Variants in ABCA3 observed in about 807,000 individuals in gnomAD.
ABCA3 encodes the protein ATP binding cassette subfamily A member 3, also known as phospholipid-transporting ATPase ABCA3.
In ABCA3, 88 loss-of-function variants were observed where a neutral mutation model predicts 172.8. The ratio of observed to expected loss-of-function variants is 0.51; its 90% confidence interval spans 0.43 to 0.61. ABCA3 has a LOEUF of 0.61. Among genes scored for constraint, ABCA3 ranks in the 20% least tolerant of loss-of-function variants. The pLI, the probability that ABCA3 is intolerant of heterozygous loss-of-function variation, is 0.00. For missense variants in ABCA3, 2,164 were observed against 2,301.0 expected, an observed-to-expected ratio of 0.94 and a Z score of 1.22; for synonymous variants, 1,066 against 983.8, an observed-to-expected ratio of 1.08 and a Z score of -1.56.
Position 2,299,999 on chromosome 16 carries a change from C to G in ABCA3, c.1611+6G>C. ...CGGCCCTCCCTGTCCCCACAGGAGGCGGCACCTTGGACAGGTGCTTGATCT... is the reference window on the plus strand; with the variant it reads ...CGGCCCTCCCTGTCCCCACAGGAGGGGGCACCTTGGACAGGTGCTTGATCT... On this transcript the variant is annotated splice_donor_region_variant and intron_variant, in intron 13 of 32. Transcript: ENST00000301732. 6 of 1,612,634 alleles carry G rather than the reference C, an allele frequency of 3.7e-6. No individual in the cohort carries two copies. Among genetic ancestry groups the G allele is most frequent in the Non-Finnish European group, 4.2e-6 (5 of 1,179,954 alleles).
chr16:2,283,493 G>T lies in ABCA3; in HGVS notation c.3863-135C>A. 9 of 1,019,634 alleles carry T rather than the reference G, an allele frequency of 8.8e-6. No homozygotes were observed. Among genetic ancestry groups the T allele is most frequent in the Non-Finnish European group, 4.2e-6 (3 of 707,874 alleles). The allele number at this position is 1,019,634 out of a possible 1,614,324, so 63.2% of individuals were successfully genotyped here. A position where few individuals can be genotyped will look rare whatever the true frequency, so the allele number is the denominator to read the frequency against. On this transcript the variant is annotated intron_variant, in intron 25 of 32. Coordinates refer to ENST00000301732, the MANE Select transcript of ABCA3 (RefSeq NM_001089.3). This position sits in a 1 kb window ranked among gnomAD's most constrained non-coding sequence, Gnocchi z 5.4. The stretch of plus-strand genomic sequence containing the variant: ...GTCCCCTCCATGGGGAGATGTGAAG[G>T]CCAGTAGGTCACAGCTGCCTCTCGA...
In ABCA3 at chr16:2,324,425, G is replaced by A; in HGVS notation, c.426C>T (p.Ser142=). 1 of 1,603,082 alleles carries A rather than the reference G, an allele frequency of 6.2e-7. No individual in the cohort carries two copies. Among genetic ancestry groups the A allele is most frequent in the Non-Finnish European group, 8.5e-7 (1 of 1,178,302 alleles). Residue 142 remains serine, a synonymous_variant, in exon 6 of 33, where the codon AGC becomes AGT. Coordinates refer to ENST00000301732, the MANE Select transcript of ABCA3 (RefSeq NM_001089.3). ...TCACCGCCAGCGGCAGGGGCTCCTTGCTGTGGTTGAAGGGGTGCTCGAAGA... is the reference window on the plus strand; with the variant it reads ...TCACCGCCAGCGGCAGGGGCTCCTTACTGTGGTTGAAGGGGTGCTCGAAGA... ...AVVFEHPFNH[S]KEPLPLAVKY...
rs28464593 is a variant in ABCA3 at position 2,336,855 on chromosome 16, T to A, written c.-539+3718A>T. Reference sequence around the variant, plus strand: ...TTAAAAAGCATGTTTATACAATAGTTTTTGTAGCATTCATATGTTGGATAA... The same window carrying A: ...TTAAAAAGCATGTTTATACAATAGTATTTGTAGCATTCATATGTTGGATAA... On this transcript the variant is annotated intron_variant, in intron 1 of 32. Transcript: ENST00000301732. Among the ~76,000 whole-genome samples the A allele has an allele frequency of 8.5e-3, 1,295 of 152,152 alleles. 20 individuals carry two copies. Among genetic ancestry groups the A allele is most frequent in the African/African-American group, 0.029 (1,214 of 41,502 alleles).
intron 6 of ABCA3, 73 bp downstream of exon 6, chr16:2,324,331 G>A: frequency 6.5e-7 from 1 of 1,530,324 alleles, no homozygotes; most frequent in Non-Finnish European, 8.7e-7. Flanking sequence ...TTTACAGGTT[G>A]AACTAGTGAC....
At position 2,297,451 on chromosome 16, in the gene ABCA3, C is replaced by A; in HGVS notation, c.2141G>T (p.Arg714Leu). 1 of 1,613,764 alleles carries A rather than the reference C, an allele frequency of 6.2e-7. No homozygotes were observed. The highest frequency in any genetic ancestry group is 8.5e-7 in the Non-Finnish European group (1 of 1,180,008). The change falls in exon 17 of 33, where the codon CGC becomes CTC. Residue 714 changes from arginine to leucine, a missense_variant. Coordinates refer to ENST00000301732, the MANE Select transcript of ABCA3 (RefSeq NM_001089.3). The surrounding 1 kb of genome is among the most constrained non-coding windows in gnomAD (Gnocchi z 5.6). ...GAAGTGGGTGGTCAGCACGATGGTG[C>A]GGTCACTTTTCTGCCGCTGAAGAAG... The part of the protein sequence containing the change: ...WDLLQRQKSD[R>L]TIVLTTHFMD...
intron 11 of ABCA3, 104 bp downstream of exon 11, chr16:2,308,335 CCCAACTGCCTG>C: frequency 7.6e-7 from 1 of 1,322,548 alleles, no homozygotes; most frequent in Non-Finnish European, 1.1e-6. Context: ...CTTCAGTGGT[CCCAACTGCCTG>C]CCAACCGTCC....
intron 5 of ABCA3, 70 bp from the exon 6 acceptor site, chr16:2,324,601 A>C (rs2093731471): frequency 6.3e-7 from 1 of 1,595,758 alleles, no homozygotes; most frequent in Non-Finnish European, 8.5e-7. Flanking sequence ...TGCGTGGTTC[A>C]GGTCACTGGC....
chr16:2,276,674 T>G lies in ABCA3; in HGVS notation c.5115A>C (p.Ter1705CysextTer33). The change falls in exon 33 of 33, where the codon TGA (stop) becomes TGC (cysteine). Residue 1705 changes from the stop codon to cysteine (C), a stop_lost. Coordinates refer to ENST00000301732, the MANE Select transcript of ABCA3 (RefSeq NM_001089.3). Reference sequence around the variant, plus strand: ...CTGATGGCGAGACAGCCGCCACCCCTCATCGCCCCTCCTCTGCGGTGGGCG... The same window carrying G: ...CTGATGGCGAGACAGCCGCCACCCCGCATCGCCCCTCCTCTGCGGTGGGCG... ...LQPPTAEEGR[*>C] 1 of 1,613,046 alleles carries G rather than the reference T, an allele frequency of 6.2e-7. No individual in the cohort carries two copies. The highest frequency in any genetic ancestry group is 8.5e-7 in the Non-Finnish European group (1 of 1,179,994).
Position 2,317,632 on chromosome 16 carries a change from C to T in ABCA3, c.990+16G>A. 2 of 1,613,874 alleles carry T rather than the reference C, an allele frequency of 1.2e-6. No individual in the cohort carries two copies. Among genetic ancestry groups the T allele is most frequent in the East Asian group, 2.2e-5 (1 of 44,870 alleles). The stretch of plus-strand genomic sequence containing the variant: ...TCTCCCCGTCCTCACCAGAGCCCCA[C>T]CGACGCCATGCTCACCTTGACACAG... On this transcript the variant is annotated intron_variant, in intron 9 of 32. Transcript: ENST00000301732.
rs529931433 is a variant in ABCA3, at chr16:2,286,545, T to C, written c.3278+149A>G. On this transcript the variant is annotated intron_variant, in intron 22 of 32. Transcript: ENST00000301732. The surrounding 1 kb of genome is among the most constrained non-coding windows in gnomAD (Gnocchi z 5.2). The stretch of plus-strand genomic sequence containing the variant: ...CACAGGGAGTTGGGGCTGTGGATGG[T>C]GGAGGAGGATGTGGCAGGGGTTTCC... The C allele has an allele frequency of 9.5e-7, 1 of 1,051,584 alleles. No homozygotes were observed. The highest frequency in any genetic ancestry group is 1.6e-5 in the African/African-American group (1 of 63,138). The allele number at this position is 1,051,584 out of a possible 1,614,324, so 65.1% of individuals were successfully genotyped here. A position where few individuals can be genotyped will look rare whatever the true frequency, so the allele number is the denominator to read the frequency against.
intron 12 of ABCA3, among the ~76,000 whole-genome samples, chr16:2,303,294 G>C (rs539445780): frequency 1.4e-5 from 2 of 141,770 alleles, no homozygotes; most frequent in Non-Finnish European, 3.0e-5. Flanking sequence ...ACAGACTCTC[G>C]CTGTGTTGCC....
At chr16:2,302,443 G>A (rs1344419806) in intron 12 of ABCA3, among the ~76,000 whole-genome samples, 1 of 151,564 alleles carries the variant, frequency 6.6e-6, no homozygotes, top group Non-Finnish European at 1.5e-5. Context: ...GAGTTGTACT[G>A]TTAGGTTAAG....
In ABCA3 at chr16:2,301,088, G is replaced by A. The variant is rs991454318; in HGVS notation, c.1468-940C>T. ...TACTAAAAATACAAAAAAATTAGCC[G>A]GGCGTGGTGGTGGGCGCCTATAGTC... On this transcript the variant is annotated intron_variant, in intron 12 of 32. Coordinates refer to ENST00000301732, the MANE Select transcript of ABCA3 (RefSeq NM_001089.3). 2.4e-4 allele frequency among the ~76,000 whole-genome samples: 36 copies of A among 150,480 alleles called. 1 individual carries two copies. The highest frequency in any genetic ancestry group is 6.3e-4 in the South Asian group (3 of 4,728).
rs1340851193 is a variant in ABCA3 at position 2,284,436 on chromosome 16, A to T, written c.3705T>A (p.Ala1235=). The change falls in exon 25 of 33, where the codon GCT becomes GCA. Residue 1235 remains alanine (A), a splice_region_variant and synonymous_variant. Coordinates refer to ENST00000301732, the MANE Select transcript of ABCA3 (RefSeq NM_001089.3). The surrounding 1 kb of genome is among the most constrained non-coding windows in gnomAD (Gnocchi z 5.9). ...TTTTGGAAAGTTCTTCCAGTTTTAC[A>T]GCTGCGTTGGGGAGGTAAGATCAGT... ...FLMVTIMRIP[A]VKLEELSKTL... 15 of 1,613,638 alleles carry T rather than the reference A, an allele frequency of 9.3e-6. No individual in the cohort carries two copies. The highest frequency in any genetic ancestry group is 1.3e-5 in the African/African-American group (1 of 74,924).
chr16:2,331,371 G>A (rs1194283442), intron 1 of ABCA3, among the ~76,000 whole-genome samples: 1 of 152,140 alleles, frequency 6.6e-6, no homozygotes, highest in South Asian at 2.1e-4. Flanking sequence ...GCTAATTCTT[G>A]TATTTTTAAT....
intron 18 of ABCA3, among the ~76,000 whole-genome samples, chr16:2,292,962 T>C (rs2093674333): frequency 6.6e-6 from 1 of 152,048 alleles, no homozygotes; most frequent in South Asian, 2.1e-4. Context: ...CTCCAAAAAC[T>C]AAACTAAACT....
intron 18 of ABCA3, among the ~76,000 whole-genome samples, chr16:2,294,273 G>A (rs566720592): frequency 2.6e-5 from 4 of 151,626 alleles, no homozygotes; most frequent in South Asian, 4.2e-4. Flanking sequence ...TGGTCCGCCC[G>A]CCTTGGCCTC....
At chr16:2,309,046 C>T (rs951759732) in intron 10 of ABCA3, among the ~76,000 whole-genome samples, 1 of 152,058 alleles carries the variant, frequency 6.6e-6, no homozygotes. Context: ...CCTGGGTTCA[C>T]GCCATTCTCC....
chr16:2,332,649 G>A (rs984263438), intron 1 of ABCA3: 24 of 1,602,130 alleles, frequency 1.5e-5, no homozygotes, highest in Non-Finnish European at 1.9e-5. Flanking sequence ...GGGGCCGCCC[G>A]TTCACCTTGA....
Sources: gnomAD v4.1 joint callset for allele counts (sites outside exome capture counted in the v4.1 genomes callset) on GRCh38, gnomAD v4.1.1 for gene constraint, Gnocchi (gnomAD v3.1) non-coding constraint, MANE v1.5 for transcripts, NCBI Gene and HGNC (gene_info 2026-07-23, HGNC 2026-07-21) for gene names.